MMP16: variants seen among roughly 807,000 people sequenced by gnomAD.
MMP16 encodes matrix metallopeptidase 16, also known as matrix metalloproteinase-16.
In MMP16, 12 loss-of-function variants were observed where a neutral mutation model predicts 67.8. The observed-to-expected ratio is 0.18, with a 90% confidence interval of 0.11 to 0.29. MMP16 has a LOEUF of 0.29. Among genes scored for constraint, MMP16 ranks in the 10% least tolerant of loss-of-function variants. MMP16 has a pLI of 1.00. For missense variants in MMP16, 475 were observed against 765.7 expected (o/e 0.62, Z 4.48); for synonymous variants, 249 against 255.9 (o/e 0.97, Z 0.26).
chr8:88,236,809 C>T (rs1207370144), intron 1 of MMP16, among the ~76,000 whole-genome samples: 1 of 90,612 alleles, frequency 1.1e-5, no homozygotes, highest in African/African-American at 6.4e-5. Context: ...TCTCACCTTG[C>T]GATGACTCAC....
intron 3 of MMP16, among the ~76,000 whole-genome samples, chr8:88,183,099 G>A (rs1809007596): frequency 6.6e-6 from 1 of 151,908 alleles, no homozygotes; most frequent in African/African-American, 2.4e-5. Flanking sequence ...GAATTTTTAG[G>A]GAAGGAAAAC....
chr8:88,153,851 C>A (rs1437002352), intron 4 of MMP16, among the ~76,000 whole-genome samples: 3 of 151,962 alleles, frequency 2.0e-5, no homozygotes, highest in Middle Eastern at 3.4e-3. Flanking sequence ...GCAACAAAAG[C>A]CAAAAGTGAC....
chr8:88,296,516 G>T (rs923531463), intron 1 of MMP16, among the ~76,000 whole-genome samples: 2 of 151,970 alleles, frequency 1.3e-5, no homozygotes, highest in African/African-American at 4.8e-5. Context: ...TAACAGTATA[G>T]GTGGTACCAT....
At chr8:88,192,444 A>C (rs2129769783) in intron 2 of MMP16, among the ~76,000 whole-genome samples, 1 of 152,296 alleles carries the variant, frequency 6.6e-6, no homozygotes, top group East Asian at 1.9e-4. Flanking sequence ...AATTCTTTCA[A>C]CTTTTTACCT....
chr8:88,305,023 G>A (rs950205991), intron 1 of MMP16, among the ~76,000 whole-genome samples: 11 of 152,100 alleles, frequency 7.2e-5, no homozygotes, highest in Non-Finnish European at 1.6e-4. Flanking sequence ...AAAGAGCCAA[G>A]ATCCACTGGC....
intron 1 of MMP16, among the ~76,000 whole-genome samples, chr8:88,316,767 A>G (rs1811381172): frequency 6.6e-6 from 1 of 152,204 alleles, no homozygotes; most frequent in Non-Finnish European, 1.5e-5. Context: ...TTGTAAGGCT[A>G]TAGCTGCCAT....
chr8:88,089,876 T>G (rs1409563483), intron 6 of MMP16, among the ~76,000 whole-genome samples: 2 of 151,914 alleles, frequency 1.3e-5, no homozygotes, highest in Admixed American at 1.3e-4. Context: ...CAGATTAGGT[T>G]CCAAGCATTA....
chr8:88,285,407 T>C (rs1456685377), intron 1 of MMP16, among the ~76,000 whole-genome samples: 1 of 152,194 alleles, frequency 6.6e-6, no homozygotes, highest in Non-Finnish European at 1.5e-5. Context: ...CCCGAAGTGC[T>C]GGGATTATAG....
At chr8:88,258,034 G>C (rs1810330184) in intron 1 of MMP16, among the ~76,000 whole-genome samples, 1 of 147,652 alleles carries the variant, frequency 6.8e-6, no homozygotes, top group Admixed American at 6.8e-5. Context: ...AAAATGCAAT[G>C]ACTCTTTTTC....
chr8:88,313,297 T>C (rs1203090004), intron 1 of MMP16, among the ~76,000 whole-genome samples: 2 of 152,216 alleles, frequency 1.3e-5, no homozygotes, highest in Admixed American at 6.5e-5. Flanking sequence ...AAATATTCTT[T>C]ATTTTGCCTA....
chr8:88,137,282 C>G (rs1808136238), intron 4 of MMP16, among the ~76,000 whole-genome samples: 3 of 151,866 alleles, frequency 2.0e-5, no homozygotes. Context: ...GGGTCTGAGA[C>G]TTGCCCTATT....
At chr8:88,114,198 T>C (rs1193685305) in intron 6 of MMP16, among the ~76,000 whole-genome samples, 1 of 151,912 alleles carries the variant, frequency 6.6e-6, no homozygotes, top group Admixed American at 6.6e-5. Flanking sequence ...CATTCAATCA[T>C]GCTTTCTTTA....
intron 9 of MMP16, 85 bp downstream of exon 9, chr8:88,046,584 A>T (rs1808201964): frequency 1.3e-6 from 1 of 799,276 alleles, no homozygotes; most frequent in Non-Finnish European, 2.0e-6. Context: ...AGCACTTTCC[A>T]ATGGCTTAAT....
chr8:88,259,533 G>A (rs556227767), intron 1 of MMP16, among the ~76,000 whole-genome samples: 1 of 151,898 alleles, frequency 6.6e-6, no homozygotes, highest in Non-Finnish European at 1.5e-5. Context: ...AAACGTGTGG[G>A]AAATGTGATA....
At chr8:88,141,103 G>A (rs1808203949) in intron 4 of MMP16, among the ~76,000 whole-genome samples, 1 of 152,094 alleles carries the variant, frequency 6.6e-6, no homozygotes, top group South Asian at 2.1e-4. Context: ...GCAAGTCGAA[G>A]GGAGACAGCC....
At chr8:88,142,094 G>GA (rs1347985080) in intron 4 of MMP16, among the ~76,000 whole-genome samples, 1 of 151,580 alleles carries the variant, frequency 6.6e-6, no homozygotes, top group African/African-American at 2.4e-5. Flanking sequence ...TATTTTAGTA[G>GA]AGATGGGGTT....
At chr8:88,079,971 G>T (rs1285296936) in intron 6 of MMP16, among the ~76,000 whole-genome samples, 2 of 152,146 alleles carry the variant, frequency 1.3e-5, no homozygotes, top group African/African-American at 4.8e-5. Flanking sequence ...CGGTGTTCTG[G>T]TATAGCACAT....
chr8:88,189,185 A>C (rs541671611), intron 2 of MMP16, among the ~76,000 whole-genome samples: 1 of 152,156 alleles, frequency 6.6e-6, no homozygotes, highest in East Asian at 1.9e-4. Flanking sequence ...AAGATGAAGA[A>C]AAAAAGAGCC....
chr8:88,271,781 T>A (rs138489341), intron 1 of MMP16, among the ~76,000 whole-genome samples: 1 of 152,186 alleles, frequency 6.6e-6, no homozygotes, highest in African/African-American at 2.4e-5. Context: ...TTAGAAAACA[T>A]TGGCTTAAAT....
Sources: gnomAD v4.1 joint callset for allele counts (sites outside exome capture counted in the v4.1 genomes callset) on GRCh38, gnomAD v4.1.1 for gene constraint, MANE v1.5 for transcripts, NCBI Gene and HGNC (gene_info 2026-07-23, HGNC 2026-07-21) for gene names.